The following LRRTM4 variants were observed in gnomAD, a reference collection of about 807,000 sequenced individuals.
The protein encoded by LRRTM4 is leucine rich repeat transmembrane neuronal 4, also known as leucine-rich repeat transmembrane neuronal protein 4.
In LRRTM4, 25 loss-of-function variants were observed where a neutral mutation model predicts 47.6. That is an observed-to-expected ratio of 0.53 (90% CI 0.38 to 0.73). The LOEUF (loss-of-function observed/expected upper bound fraction) is 0.73, where lower values mean the gene tolerates loss of function less well. LRRTM4 is among the 30% of genes least tolerant of loss of function. The pLI, the probability that LRRTM4 is intolerant of heterozygous loss-of-function variation, is 0.00. For synonymous variants in LRRTM4, 311 were observed against 269.5 expected (o/e 1.15, Z -1.51); for missense variants, 638 against 713.4 (o/e 0.89, Z 1.20).
chr2:77,401,856 T>C (rs957051667), intron 3 of LRRTM4, among the ~76,000 whole-genome samples: 2 of 152,004 alleles, frequency 1.3e-5, no homozygotes, highest in East Asian at 3.9e-4. Context: ...TTCAAGAATT[T>C]GAGCTATAAT....
At chr2:77,381,959 T>A (rs1207416917) in intron 3 of LRRTM4, among the ~76,000 whole-genome samples, 1 of 152,084 alleles carries the variant, frequency 6.6e-6, no homozygotes, top group African/African-American at 2.4e-5. Flanking sequence ...GACATTTTAG[T>A]TTTTCAATTG....
chr2:77,051,322 G>T (rs2103772745), intron 3 of LRRTM4, among the ~76,000 whole-genome samples: 1 of 152,078 alleles, frequency 6.6e-6, no homozygotes, highest in South Asian at 2.1e-4. Context: ...TAGGAGAGTG[G>T]GATAAAAGAT....
chr2:77,345,596 T>C (rs918898406), intron 3 of LRRTM4, among the ~76,000 whole-genome samples: 2 of 151,962 alleles, frequency 1.3e-5, no homozygotes, highest in Non-Finnish European at 2.9e-5. Context: ...AAAACTATAA[T>C]GACATACTAC....
At chr2:77,481,955 G>T (rs1677721489) in intron 3 of LRRTM4, among the ~76,000 whole-genome samples, 2 of 151,424 alleles carry the variant, frequency 1.3e-5, no homozygotes, top group Non-Finnish European at 2.9e-5. Context: ...CTCTCAGCAG[G>T]CACGGATTGC....
chr2:77,231,744 T>G (rs1356411830), intron 3 of LRRTM4, among the ~76,000 whole-genome samples: 7 of 152,088 alleles, frequency 4.6e-5, no homozygotes, highest in Non-Finnish European at 1.0e-4. Context: ...GAGACAACAT[T>G]AAATAGCAAC....
intron 3 of LRRTM4, among the ~76,000 whole-genome samples, chr2:76,809,131 G>A (rs1670651687): frequency 6.6e-6 from 1 of 152,014 alleles, no homozygotes; most frequent in Non-Finnish European, 1.5e-5. Flanking sequence ...AAATAGACAA[G>A]AAAATGATGA....
intron 3 of LRRTM4, among the ~76,000 whole-genome samples, chr2:77,020,834 G>A (rs975286637): frequency 1.3e-5 from 2 of 152,166 alleles, no homozygotes; most frequent in African/African-American, 4.8e-5. Flanking sequence ...AGGAACAGAA[G>A]CAGACTAACC....
At chr2:77,134,261 T>A (rs999704946) in intron 3 of LRRTM4, among the ~76,000 whole-genome samples, 2 of 152,116 alleles carry the variant, frequency 1.3e-5, no homozygotes, top group Admixed American at 6.5e-5. Context: ...ACATAAAACT[T>A]AGGTCTTCTA....
chr2:77,056,517 C>T (rs947881793), intron 3 of LRRTM4, among the ~76,000 whole-genome samples: 2 of 151,530 alleles, frequency 1.3e-5, no homozygotes, highest in East Asian at 3.9e-4. Context: ...TAAATCAAGG[C>T]TTAAAATCAA....
chr2:77,081,304 GA>G lies in LRRTM4; in HGVS notation c.1552-332389del, dbSNP rs1558568236. Among the ~76,000 whole-genome samples the G allele has an allele frequency of 4.1e-5, 6 of 145,464 alleles. No homozygotes were observed. In the South Asian group the frequency reaches 1.3e-3, roughly 33 times the overall value. ...CACACACACACACATAAATTTGTTG[GA>G]AAAGAGCAAAATGTTTAACCTTTAA... On this transcript the variant is annotated intron_variant, in intron 3 of 3. Transcript: ENST00000409884.
chr2:76,860,739 A>T (rs1672289086), intron 3 of LRRTM4, among the ~76,000 whole-genome samples: 1 of 152,164 alleles, frequency 6.6e-6, no homozygotes, highest in African/African-American at 2.4e-5. Flanking sequence ...CTTAAATACA[A>T]CATCTCTTTC....
chr2:77,502,288 T>C (rs1678598203), intron 3 of LRRTM4, among the ~76,000 whole-genome samples: 1 of 151,412 alleles, frequency 6.6e-6, no homozygotes. Context: ...GTTATATAAA[T>C]TTTTTAAATT....
intron 3 of LRRTM4, among the ~76,000 whole-genome samples, chr2:77,332,733 A>C: frequency 6.6e-6 from 1 of 152,214 alleles, no homozygotes; most frequent in South Asian, 2.1e-4. Flanking sequence ...ACTCACATGC[A>C]TAATGTAATA....
chr2:76,781,743 CG>C (rs909421310), intron 3 of LRRTM4, among the ~76,000 whole-genome samples: 1 of 132,892 alleles, frequency 7.5e-6, no homozygotes, highest in Non-Finnish European at 1.5e-5. Flanking sequence ...AGCTATAGAC[CG>C]GAGCTGTTCC....
At chr2:77,189,078 T>C (rs1245084089) in intron 3 of LRRTM4, among the ~76,000 whole-genome samples, 1 of 151,858 alleles carries the variant, frequency 6.6e-6, no homozygotes, top group Non-Finnish European at 1.5e-5. Context: ...TTTCCAACAA[T>C]TAAAATCTCT....
At chr2:77,417,590 T>C (rs975724069) in intron 3 of LRRTM4, among the ~76,000 whole-genome samples, 2 of 152,018 alleles carry the variant, frequency 1.3e-5, no homozygotes. Flanking sequence ...ATGTCCTTTG[T>C]AGGGACATGG....
chr2:76,985,985 G>C (rs192547703), intron 3 of LRRTM4: 1 of 151,854 alleles, frequency 6.6e-6, no homozygotes, highest in Non-Finnish European at 1.5e-5. Flanking sequence ...CTCTCACTTG[G>C]CTGCTTCTAG....
rs549137191 is a variant in LRRTM4, at chr2:76,979,659, G to A, written c.1552-230743C>T. Among the ~76,000 whole-genome samples, 7 of 146,994 alleles carry A rather than the reference G, an allele frequency of 4.8e-5. No individual in the cohort carries two copies. In the South Asian group the frequency reaches 1.3e-3, roughly 27 times the overall value. On this transcript the variant is annotated intron_variant, in intron 3 of 3. Transcript: ENST00000409884. ...ATATTCATGAATCTGCAAGAGCTTG[G>A]TTGTGTTTGAATCACAGCTTTCAAT... is the stretch of plus-strand genomic sequence containing the variant.
chr2:77,151,699 T>G lies in LRRTM4; in HGVS notation c.1551+366619A>C, dbSNP rs1207277334. On this transcript the variant is annotated intron_variant, in intron 3 of 3. Coordinates refer to ENST00000409884, the MANE Select transcript of LRRTM4 (RefSeq NM_001134745.3). ...ACAGAAAAACAAAGATTGCATTTCA[T>G]GTTCTTTTTAAAACATCCTTTAGGG... Among the ~76,000 whole-genome samples, 3 of 152,220 alleles carry G rather than the reference T, an allele frequency of 2.0e-5. No individual in the cohort carries two copies. The East Asian group carries it at 5.8e-4, about 29-fold the overall frequency.
Sources: allele counts gnomAD v4.1 joint callset (sites outside exome capture counted in the v4.1 genomes callset), GRCh38; gene constraint gnomAD v4.1.1; transcripts MANE v1.5; gene names NCBI Gene and HGNC (gene_info 2026-07-23, HGNC 2026-07-21).